CLEC18A: variants seen among roughly 807,000 people sequenced by gnomAD.
The protein encoded by CLEC18A is mannose receptor-like 1.
A neutral mutation model predicts 24.0 loss-of-function variants in CLEC18A; 5 were observed. The observed-to-expected ratio is 0.21, with a 90% CI of 0.11 to 0.44. The LOEUF (loss-of-function observed/expected upper bound fraction) is 0.44, where lower values mean the gene tolerates loss of function less well. CLEC18A is among the 20% of genes least tolerant of loss of function. The probability of loss-of-function intolerance (pLI) is 0.99; values close to 1 mark genes in which losing one functional copy is unlikely to be tolerated. For synonymous variants in CLEC18A, 29 were observed against 100.1 expected (o/e 0.29, Z 4.24); for missense variants, 83 against 233.4 (o/e 0.36, Z 4.20).
chr16:69,945,608 G>A, the CLEC18A span, among the ~76,000 whole-genome samples: 1 of 152,240 alleles, frequency 6.6e-6, no homozygotes, highest in African/African-American at 2.4e-5. Context: ...CCAAATAGCT[G>A]GGATTACAGG....
chr16:69,956,949 C>G (rs964342793), intron 3 of CLEC18A, among the ~76,000 whole-genome samples: 1 of 147,732 alleles, frequency 6.8e-6, no homozygotes, highest in Non-Finnish European at 1.5e-5. Context: ...GGTAATCCAC[C>G]TGCCTCGGCC....
At chr16:69,954,699 T>C (rs2152015763) in intron 3 of CLEC18A, 126 bp downstream of exon 3, 1 of 1,489,792 alleles carries the variant, frequency 6.7e-7, no homozygotes, top group East Asian at 2.5e-5. Context: ...GGTTTAGTTT[T>C]ACTTTTTTTT....
chr16:69,946,678 AC>A (rs1336120427), upstream of CLEC18A, among the ~76,000 whole-genome samples: 1 of 150,668 alleles, frequency 6.6e-6, no homozygotes, highest in Non-Finnish European at 1.5e-5. Flanking sequence ...TGCTGGGATT[AC>A]AGGTGTCAGC....
At chr16:69,950,509 C>T (rs1449768879), upstream of CLEC18A, among the ~76,000 whole-genome samples, 40 of 90,930 alleles carry the variant, frequency 4.4e-4, no homozygotes, top group African/African-American at 1.3e-3. Flanking sequence ...TGGCAACGTG[C>T]TGCCCACCTG....
Position 69,962,988 on chromosome 16 carries a change from C to G in CLEC18A, c.1224C>G (p.Cys408Trp). The G allele has an allele frequency of 1.9e-6, 3 of 1,609,082 alleles. No individual in the cohort carries two copies. Among genetic ancestry groups the G allele is most frequent in the African/African-American group, 1.3e-5 (1 of 74,646 alleles). The change falls in exon 11 of 12, where the codon TGC (cysteine) becomes TGG (tryptophan). Residue 408 changes from cysteine (C) to tryptophan (W), a missense_variant. Physicochemically the swap from Cys to Trp is radical, Grantham distance 215. Coordinates refer to ENST00000288040, the MANE Select transcript of CLEC18A (RefSeq NM_001370523.4). ...CCATGGCCTGCAGGTTTGGCAACTGCGTGGAGCTGCAGGCTTCAGCTGCCT... is the reference window on the plus strand; with the variant it reads ...CCATGGCCTGCAGGTTTGGCAACTGGGTGGAGCTGCAGGCTTCAGCTGCCT... ...GQPDNHGFGN[C>W]VELQASAAFN... is the part of the protein sequence containing the mutation.
At chr16:69,966,493 C>G (rs1959396626), downstream of CLEC18A, among the ~76,000 whole-genome samples, 1 of 142,368 alleles carries the variant, frequency 7.0e-6, no homozygotes. Flanking sequence ...CTGCTACACT[C>G]CCACCAGCGC....
the CLEC18A span, among the ~76,000 whole-genome samples, chr16:69,944,206 G>C: frequency 3.0e-5 from 4 of 134,030 alleles, 1 homozygote; most frequent in Non-Finnish European, 7.0e-5. Context: ...TGAAGCAGGA[G>C]AATCGCTTGA....
Position 69,963,965 on chromosome 16 carries a change from A to G in CLEC18A, c.*354A>G. 2.7e-6 allele frequency: 1 copy of G among 364,568 alleles called. No homozygotes were observed. The highest frequency in any genetic ancestry group is 3.4e-5 in the African/African-American group (1 of 29,748). The allele number at this position is 364,568 out of a possible 1,614,324, so 22.6% of individuals were successfully genotyped here. The stretch of plus-strand genomic sequence containing the variant: ...CCCTGTGGCATGAACCCCACAGGGT[A>G]TTAAATTATGAATCAGCTGAACCTG... On this transcript the variant is annotated 3_prime_UTR_variant, in exon 12 of 12. Transcript: ENST00000288040.
chr16:69,954,287 C>G (rs1440063395), intron 2 of CLEC18A, 47 bp from the exon 3 acceptor site: 1 of 1,581,044 alleles, frequency 6.3e-7, no homozygotes, highest in East Asian at 2.2e-5. Context: ...GAGGCCTGGC[C>G]CAGCAGTCAA....
At chr16:69,946,357 C>T (rs1597203058), upstream of CLEC18A, among the ~76,000 whole-genome samples, 1 of 139,222 alleles carries the variant, frequency 7.2e-6, no homozygotes. Context: ...TTTAGTTTCT[C>T]TCAGCAATGT....
upstream of CLEC18A, chr16:69,951,037 G>A (rs1050533256): frequency 6.8e-5 from 24 of 355,184 alleles, 1 homozygote; most frequent in African/African-American, 3.0e-4. Context: ...GCCAATCAGC[G>A]GGGTCTCTGG....
intron 3 of CLEC18A, among the ~76,000 whole-genome samples, chr16:69,954,845 G>T (rs1457043987): frequency 3.3e-5 from 5 of 151,990 alleles, no homozygotes; most frequent in Non-Finnish European, 5.9e-5. Flanking sequence ...CTACAGGCAT[G>T]TGCCACCAGG....
upstream of CLEC18A, among the ~76,000 whole-genome samples, chr16:69,946,854 C>A: frequency 1.1e-5 from 1 of 91,028 alleles, no homozygotes; most frequent in Non-Finnish European, 2.0e-5. Flanking sequence ...GGATTTTCTA[C>A]AGTAGAATTA....
upstream of CLEC18A, among the ~76,000 whole-genome samples, chr16:69,946,834 A>G (rs2058912346): frequency 1.3e-5 from 1 of 78,314 alleles, no homozygotes; most frequent in African/African-American, 7.8e-5. Flanking sequence ...TTTTTTTTAT[A>G]CATTCCTTCG....
chr16:69,943,982 C>T, the CLEC18A span, among the ~76,000 whole-genome samples: 3 of 133,726 alleles, frequency 2.2e-5, 1 homozygote, highest in Non-Finnish European at 5.3e-5. Context: ...TACCAACTTC[C>T]GTAAGCCTTG....
chr16:69,944,066 C>T, the CLEC18A span, among the ~76,000 whole-genome samples: 3 of 134,328 alleles, frequency 2.2e-5, no homozygotes, highest in South Asian at 2.3e-4. Flanking sequence ...AAGGCCAAGG[C>T]GGGCAGATCA....
At chr16:69,953,807 T>G (rs1597209019) in intron 2 of CLEC18A, 1 of 132,300 alleles carries the variant, frequency 7.6e-6, no homozygotes, top group Non-Finnish European at 1.3e-5. Context: ...AGGGTGAGAC[T>G]GTCTCAAAAA....
At position 69,954,458 on chromosome 16, in the gene CLEC18A, C is replaced by A; in HGVS notation, c.341C>A (p.Pro114His). The A allele has an allele frequency of 6.3e-7, 1 of 1,595,474 alleles. No homozygotes were observed. The highest frequency in any genetic ancestry group is 8.6e-7 in the Non-Finnish European group (1 of 1,167,198). Residue 114 changes from proline (P) to histidine (H), a missense_variant, in exon 3 of 12, where the codon CCC (proline) becomes CAC (histidine). Coordinates refer to ENST00000288040, the MANE Select transcript of CLEC18A (RefSeq NM_001370523.4). The stretch of plus-strand genomic sequence containing the variant: ...GTGGGCTGGAACATGCAGCTGCTAC[C>A]CGCGGGCTTGGTGTCCTTTGTCGAA... ...LQVGWNMQLL[P>H]AGLVSFVEVV...
At chr16:69,946,538 G>A (rs947277991), upstream of CLEC18A, among the ~76,000 whole-genome samples, 79 of 145,010 alleles carry the variant, frequency 5.4e-4, no homozygotes, top group Non-Finnish European at 9.8e-4. Flanking sequence ...GAGTAGCTGG[G>A]ATTACAGTTG....
Sources: allele counts gnomAD v4.1 joint callset (sites outside exome capture counted in the v4.1 genomes callset), GRCh38; gene constraint gnomAD v4.1.1; transcripts MANE v1.5; gene names NCBI Gene and HGNC (gene_info 2026-07-23, HGNC 2026-07-21).